Variants in IDH3A observed in about 807,000 individuals in gnomAD.
The protein encoded by IDH3A is isocitrate dehydrogenase (NAD(+)) 3 catalytic subunit alpha, also known as isocitrate dehydrogenase [NAD] subunit alpha, mitochondrial.
Under a neutral mutation model 43.3 loss-of-function variants are expected in IDH3A, and 23 were observed. The observed-to-expected ratio is 0.53, with a 90% CI of 0.38 to 0.75. The LOEUF is 0.75. Among genes scored for constraint, IDH3A ranks in the 30% least tolerant of loss-of-function variants. The pLI is 0.00. For synonymous variants in IDH3A, 154 were observed against 163.5 expected, an observed-to-expected ratio of 0.94 and a Z score of 0.44; for missense variants, 329 against 474.4, an observed-to-expected ratio of 0.69 and a Z score of 2.85.
Position 78,171,546 on chromosome 15 carries a change from A to G in IDH3A, c.*2541A>G. ...TCGTGGGACCTAAAAGGGAAATGAG[A>G]AGAAATGAGTGAGGCCCAGGCTCTG... On this transcript the variant is annotated 3_prime_UTR_variant, in exon 11 of 11. Transcript: ENST00000299518. 2 of 1,609,046 alleles carry G rather than the reference A, an allele frequency of 1.2e-6. No individual in the cohort carries two copies. Among genetic ancestry groups the G allele is most frequent in the Non-Finnish European group, 1.7e-6 (2 of 1,175,362 alleles).
At position 78,165,065 on chromosome 15, in the gene IDH3A, A is replaced by G. The variant is rs749974587; in HGVS notation, c.853A>G (p.Ile285Val). 4 of 1,612,676 alleles carry G rather than the reference A, an allele frequency of 2.5e-6. No homozygotes were observed. The African/African-American group carries it at 5.3e-5, about 22-fold the overall frequency. ...CAACATTGGAGCCAATGGGGTTGCA[A>G]TTTTTGAGTCGGTAAGGACCCTGAC... ...SGNIGANGVA[I>V]FESVHGTAPD... Residue 285 changes from isoleucine to valine, a missense_variant, in exon 9 of 11, where the codon ATT becomes GTT. Transcript: ENST00000299518.
In IDH3A at chr15:78,149,429, A is replaced by G. The variant is rs754172541; in HGVS notation, c.26A>G (p.Lys9Arg). The G allele has an allele frequency of 7.1e-6, 11 of 1,545,154 alleles. No homozygotes were observed. The Admixed American group carries it at 1.5e-4, about 21-fold the overall frequency. Residue 9 changes from lysine to arginine, a missense_variant and splice_region_variant, in exon 1 of 11, where the codon AAG (lysine) becomes AGG (arginine). Physicochemically the swap from Lys to Arg is conservative, Grantham distance 26. Coordinates refer to ENST00000299518, the MANE Select transcript of IDH3A (RefSeq NM_005530.3). ...ATGGCTGGGCCCGCGTGGATCTCTA[A>G]GGTGAGCGCTGGCAGGCCGGCGTGT... MAGPAWIS[K>R]VSRLLGAFHN...
rs774847037 is a variant in IDH3A, at chr15:78,157,605, G to A, written c.148G>A (p.Val50Ile). 6.2e-7 allele frequency: 1 copy of A among 1,612,986 alleles called. No homozygotes were observed. The highest frequency in any genetic ancestry group is 8.5e-7 in the Non-Finnish European group (1 of 1,179,302). ...DGIGPEISAA[V>I]MKIFDAAKAP... The stretch of plus-strand genomic sequence containing the variant: ...TATTGGCCCAGAAATTTCAGCTGCA[G>A]TTATGAAGATTTTTGATGCTGCCAA... The change falls in exon 3 of 11, where the codon GTT becomes ATT. Residue 50 changes from valine to isoleucine, a missense_variant. Val to Ile is a conservative substitution (Grantham distance 29). Transcript: ENST00000299518.
At chr15:78,150,844 G>A (rs1258327153) in intron 1 of IDH3A, 1 of 152,186 alleles carries the variant, frequency 6.6e-6, no homozygotes, top group Non-Finnish European at 1.5e-5. Flanking sequence ...ATTTGCTTGT[G>A]ATGATAACTC....
intron 3 of IDH3A, among the ~76,000 whole-genome samples, chr15:78,158,331 G>C (rs979762800): frequency 6.6e-6 from 1 of 151,194 alleles, no homozygotes; most frequent in Non-Finnish European, 1.5e-5. Flanking sequence ...CTGAGCTCGT[G>C]TCCTAGGACA....
At chr15:78,168,054 T>A (rs952633329) in intron 10 of IDH3A, 1 of 152,120 alleles carries the variant, frequency 6.6e-6, no homozygotes, top group Admixed American at 6.5e-5. Context: ...TTGGGGTCTG[T>A]ATGCAGGAAA....
Position 78,171,473 on chromosome 15 carries a change from C to T in IDH3A, c.*2468C>T. ...ATTTTTTGCTCTTGGTAAAAGGAGT[C>T]AATGATACCTTTGTACTTCTCCAAA... On this transcript the variant is annotated 3_prime_UTR_variant, in exon 11 of 11. Transcript: ENST00000299518. 1 of 1,614,110 alleles carries T rather than the reference C, an allele frequency of 6.2e-7. No homozygotes were observed. The highest frequency in any genetic ancestry group is 2.2e-5 in the East Asian group (1 of 44,892).
At chr15:78,164,299 C>G (rs1285084680) in intron 8 of IDH3A, among the ~76,000 whole-genome samples, 1 of 149,642 alleles carries the variant, frequency 6.7e-6, no homozygotes, top group Non-Finnish European at 1.5e-5. Context: ...CTCTCTCTCT[C>G]TCTCTCCCCC....
chr15:78,157,411 G>A (rs1371627460), intron 2 of IDH3A, 137 bp from the exon 3 acceptor site: 2 of 660,164 alleles, frequency 3.0e-6, no homozygotes, highest in Non-Finnish European at 5.0e-6. Context: ...CCCCCGGGGA[G>A]GTATGTTTGT....
In IDH3A at chr15:78,157,597, C is replaced by T; in HGVS notation, c.140C>T (p.Ser47Leu). 6.2e-7 allele frequency: 1 copy of T among 1,612,944 alleles called. No homozygotes were observed. The highest frequency in any genetic ancestry group is 8.5e-7 in the Non-Finnish European group (1 of 1,179,348). ...GGAGATGGTATTGGCCCAGAAATTT[C>T]AGCTGCAGTTATGAAGATTTTTGAT... is the stretch of plus-strand genomic sequence containing the variant. ...IPGDGIGPEISAAVMKIFDAA... is the reference protein window; with the variant it reads ...IPGDGIGPEILAAVMKIFDAA... Residue 47 changes from serine to leucine, a missense_variant, in exon 3 of 11, where the codon TCA becomes TTA. By Grantham distance (145) the Ser-to-Leu change is moderately radical. This residue lies in a region of IDH3A where 212 missense variants were observed against 345.5 expected (regional missense o/e 0.61). Coordinates refer to ENST00000299518, the MANE Select transcript of IDH3A (RefSeq NM_005530.3).
rs1392295402 is a variant in IDH3A at position 78,161,293 on chromosome 15, T to C, written c.290-288T>C. Among the ~76,000 whole-genome samples, 2 of 152,236 alleles carry C rather than the reference T, an allele frequency of 1.3e-5. No individual in the cohort carries two copies. The highest frequency in any genetic ancestry group is 2.9e-5 in the Non-Finnish European group (2 of 68,036). ...ATTCTTATTTTTTCTTTTTTCGTCA[T>C]TTTTAAATGACAGTAACAGAGTTGC... On this transcript the variant is annotated intron_variant, in intron 4 of 10. Transcript: ENST00000299518. This position sits in a 1 kb window ranked among gnomAD's most constrained non-coding sequence, Gnocchi z 4.8.
chr15:78,153,444 A>G (rs1011087832), intron 1 of IDH3A, among the ~76,000 whole-genome samples: 2 of 152,216 alleles, frequency 1.3e-5, no homozygotes, highest in Non-Finnish European at 2.9e-5. Flanking sequence ...CTCCCTTCCA[A>G]TAGCCCACTC....
chr15:78,161,573 T>C lies in IDH3A; in HGVS notation c.290-8T>C. 1 of 1,610,826 alleles carries C rather than the reference T, an allele frequency of 6.2e-7. No homozygotes were observed. Among genetic ancestry groups the C allele is most frequent in the Non-Finnish European group, 8.5e-7 (1 of 1,179,376 alleles). On this transcript the variant is annotated splice_region_variant and splice_polypyrimidine_tract_variant and intron_variant, in intron 4 of 10. Transcript: ENST00000299518. This position sits in a 1 kb window ranked among gnomAD's most constrained non-coding sequence, Gnocchi z 4.8. ...CTAGTGTCATCTGGGTTTTCTTCTG[T>C]ATAACAGGCCCTTTGAAGACCCCAA...
In IDH3A at chr15:78,162,164, C is replaced by T. The variant is rs1303384775; in HGVS notation, c.478-70C>T. The T allele has an allele frequency of 2.6e-6, 4 of 1,565,472 alleles. No individual in the cohort carries two copies. In the African/African-American group the frequency reaches 4.1e-5, roughly 16 times the overall value. On this transcript the variant is annotated intron_variant, in intron 5 of 10. Transcript: ENST00000299518. ...CCTGCCACAAATGTTACTGTCTACT[C>T]CCCACCCTCTGTCTCCCACTGCGTT... is the stretch of plus-strand genomic sequence containing the variant.
intron 1 of IDH3A, among the ~76,000 whole-genome samples, chr15:78,153,738 G>T (rs1321177783): frequency 6.6e-6 from 1 of 152,204 alleles, no homozygotes; most frequent in Non-Finnish European, 1.5e-5. Flanking sequence ...ATTTAATGCA[G>T]CCGGGTGTGG....
intron 2 of IDH3A, 148 bp from the exon 3 acceptor site, chr15:78,157,400 A>T: frequency 1.6e-6 from 1 of 630,978 alleles, no homozygotes; most frequent in Non-Finnish European, 2.6e-6. Context: ...CCCTTTGATG[A>T]CCCCCGGGGA....
chr15:78,169,205 G>T lies in IDH3A; in HGVS notation c.*200G>T. On this transcript the variant is annotated 3_prime_UTR_variant, in exon 11 of 11. Transcript: ENST00000299518. The stretch of plus-strand genomic sequence containing the variant: ...TGTTTTCAAAGAACTTTTTCCAAGT[G>T]CTTGTTTTATTTATTAAGTGTCTAC... 1 of 385,408 alleles carries T rather than the reference G, an allele frequency of 2.6e-6. No homozygotes were observed. The highest frequency in any genetic ancestry group is 4.6e-6 in the Non-Finnish European group (1 of 215,552). The allele number at this position is 385,408 out of a possible 1,614,324, so 23.9% of individuals were successfully genotyped here. A position where few individuals can be genotyped will look rare whatever the true frequency, so the allele number is the denominator to read the frequency against.
At position 78,152,049 on chromosome 15, in the gene IDH3A, ATTTTTTTTT is replaced by A. The variant is rs574440056; in HGVS notation, c.27+2637_27+2645del. ...GGGAGAGGAGAAAGGACTCATGTCA[ATTTTTTTTT>A]TTTTTTTTTTTTTTTTTGAGACAGA... On this transcript the variant is annotated intron_variant, in intron 1 of 10. Coordinates refer to ENST00000299518, the MANE Select transcript of IDH3A (RefSeq NM_005530.3). Among the ~76,000 whole-genome samples the A allele has an allele frequency of 1.2e-4, 8 of 65,776 alleles. No homozygotes were observed. In the East Asian group the frequency reaches 1.4e-3, roughly 11 times the overall value. 43.2% of individuals were successfully genotyped at this position (65,776 alleles called of 152,430 possible).
intron 3 of IDH3A, among the ~76,000 whole-genome samples, chr15:78,159,617 C>T (rs2074660606): frequency 6.6e-6 from 1 of 152,186 alleles, no homozygotes; most frequent in African/African-American, 2.4e-5. Flanking sequence ...GAGAATCCCT[C>T]TGGGCCTGCT....
Sources: allele counts gnomAD v4.1 joint callset (sites outside exome capture counted in the v4.1 genomes callset), GRCh38; gene constraint gnomAD v4.1.1; regional missense constraint gnomAD v4.1.1; non-coding constraint Gnocchi (gnomAD v3.1); transcripts MANE v1.5; gene names NCBI Gene and HGNC (gene_info 2026-07-23, HGNC 2026-07-21).